EYA3: variants seen among roughly 807,000 people sequenced by gnomAD.
EYA3 encodes the protein protein phosphatase EYA3.
Under a neutral mutation model 80.0 loss-of-function variants are expected in EYA3, and 39 were observed. The ratio of observed to expected loss-of-function variants is 0.49; its 90% confidence interval spans 0.38 to 0.64. EYA3 has a LOEUF of 0.64. Ranked by LOEUF, EYA3 falls within the 30% of genes least tolerant of loss-of-function variation. EYA3 has a pLI of 0.00. For missense variants in EYA3, 523 were observed against 676.1 expected (o/e 0.77, Z 2.51); for synonymous variants, 206 against 232.8 (o/e 0.88, Z 1.05).
chr1:27,997,207 TG>T (rs3831309), intron 13 of EYA3, 112 bp downstream of exon 13: 208,008 of 952,404 alleles, frequency 0.22, 23,879 homozygotes, highest in Non-Finnish European at 0.24. Context: ...TCTAACAGGT[TG>T]TGAGCTCTTT....
intron 10 of EYA3, among the ~76,000 whole-genome samples, chr1:28,007,222 G>T (rs1641348640): frequency 6.6e-6 from 1 of 151,792 alleles, no homozygotes; most frequent in Non-Finnish European, 1.5e-5. Flanking sequence ...TTAGAGGCGT[G>T]AGCCACTGTC....
rs775955336 is a variant in EYA3 at position 28,027,911 on chromosome 1, C to A, written c.377G>T (p.Gly126Val). The A allele has an allele frequency of 6.2e-7, 1 of 1,614,086 alleles. No individual in the cohort carries two copies. The highest frequency in any genetic ancestry group is 1.1e-5 in the South Asian group (1 of 91,080). Reference protein sequence around the residue: ...GLPPFGALWPGMKPESGLIQT... With the variant: ...GLPPFGALWPVMKPESGLIQT... ...AATTAAACCACTTTCAGGTTTCATA[C>A]CTGGCCACAATGCACCTGAATCAGA... Residue 126 changes from glycine to valine, a missense_variant, in exon 7 of 18, where the codon GGT (glycine) becomes GTT (valine). By Grantham distance (109) the Gly-to-Val change is moderately radical (BLOSUM62 -3). Transcript: ENST00000373871.
chr1:27,979,387 A>G (rs1639157139), intron 16 of EYA3, among the ~76,000 whole-genome samples: 1 of 152,174 alleles, frequency 6.6e-6, no homozygotes, highest in African/African-American at 2.4e-5. Context: ...AACATTTGTC[A>G]TATCTGGAAC....
At chr1:28,063,149 C>T (rs932691917) in intron 1 of EYA3, among the ~76,000 whole-genome samples, 1 of 151,780 alleles carries the variant, frequency 6.6e-6, no homozygotes, top group Non-Finnish European at 1.5e-5. Flanking sequence ...AGAGAATTTG[C>T]ATGCAGCTAA....
At chr1:28,077,172 C>T (rs1157773660) in intron 1 of EYA3, among the ~76,000 whole-genome samples, 1 of 145,980 alleles carries the variant, frequency 6.9e-6, no homozygotes, top group Non-Finnish European at 1.5e-5. Context: ...GGCGCAATCT[C>T]GGCTCACTGC....
intron 10 of EYA3, among the ~76,000 whole-genome samples, chr1:28,005,806 A>G (rs188298142): frequency 5.3e-5 from 8 of 152,260 alleles, no homozygotes; most frequent in Non-Finnish European, 7.4e-5. Flanking sequence ...CAGCATATTA[A>G]AAGAATTAAA....
intron 7 of EYA3, among the ~76,000 whole-genome samples, chr1:28,018,200 AAAAAG>A (rs1258007525): frequency 6.6e-6 from 1 of 152,160 alleles, no homozygotes; most frequent in Admixed American, 6.5e-5. Context: ...TGTCTCAAAA[AAAAAG>A]AAAAGAAAAA....
intron 3 of EYA3, among the ~76,000 whole-genome samples, chr1:28,044,344 TCAA>T (rs1435046109): frequency 6.6e-6 from 1 of 152,178 alleles, no homozygotes; most frequent in African/African-American, 2.4e-5. Flanking sequence ...TCTACATCCG[TCAA>T]CGAGAATAAA....
chr1:28,084,555 A>AT (rs1280611632), intron 1 of EYA3, among the ~76,000 whole-genome samples: 63 of 53,760 alleles, frequency 1.2e-3, no homozygotes, highest in African/African-American at 2.6e-3. Context: ...GACTATTCCA[A>AT]AATATATATA....
At chr1:27,991,202 G>A (rs1037987881) in intron 14 of EYA3, among the ~76,000 whole-genome samples, 1 of 152,004 alleles carries the variant, frequency 6.6e-6, no homozygotes, top group African/African-American at 2.4e-5. Flanking sequence ...GTAAAGAAAC[G>A]AAACCCAATG....
chr1:28,072,663 G>GT (rs1279833109), intron 1 of EYA3, among the ~76,000 whole-genome samples: 2 of 152,164 alleles, frequency 1.3e-5, no homozygotes, highest in Non-Finnish European at 2.9e-5. Context: ...ATGGAAAACA[G>GT]TTTGGCAGTT....
At chr1:28,003,270 AAACAAC>A (rs139958121) in intron 11 of EYA3, among the ~76,000 whole-genome samples, 33,435 of 145,510 alleles carry the variant, frequency 0.23, 3,854 homozygotes, top group Non-Finnish European at 0.25. Flanking sequence ...ACTCCGTCTC[AAACAAC>A]AACAACAACA....
Position 28,038,655 on chromosome 1 carries a change from A to T in EYA3, c.224+184T>A, listed in dbSNP as rs544179130. Among the ~76,000 whole-genome samples the T allele has an allele frequency of 2.0e-5, 3 of 152,270 alleles. No individual in the cohort carries two copies. The South Asian group carries it at 6.2e-4, about 32-fold the overall frequency. On this transcript the variant is annotated intron_variant, in intron 5 of 17. Transcript: ENST00000373871. ...TGTAAAATGATCCATTGCAGACACC[A>T]TCTACTTTTTAAAAGGATACTACAT...
chr1:28,043,828 ACT>A (rs961357774), intron 3 of EYA3, among the ~76,000 whole-genome samples: 3 of 152,264 alleles, frequency 2.0e-5, no homozygotes, highest in East Asian at 1.9e-4. Context: ...ACACAGTGAG[ACT>A]CTGTCTCAAA....
At chr1:28,053,144 A>C (rs1405589756) in intron 2 of EYA3, among the ~76,000 whole-genome samples, 8 of 98,288 alleles carry the variant, frequency 8.1e-5, no homozygotes, top group Admixed American at 3.8e-4. Context: ...ACAAAATGAG[A>C]CCCCGTCTCA....
In EYA3 at chr1:28,042,632, A is replaced by G. The variant is rs1643849082; in HGVS notation, c.96T>C (p.Asp32=). The G allele has an allele frequency of 2.5e-6, 4 of 1,614,150 alleles. No homozygotes were observed. The highest frequency in any genetic ancestry group is 2.2e-5 in the East Asian group (1 of 44,886). ...EQTISQVSNP[D]VSDQKPETSS... is the part of the protein sequence containing the mutation. The stretch of plus-strand genomic sequence containing the variant: ...ATGTTTCAGGCTTCTGATCACTGAC[A>G]TCTGGATTGCTTACTTGACTGGGAG... Residue 32 remains aspartate, a synonymous_variant, in exon 4 of 18, where the codon GAT becomes GAC. Transcript: ENST00000373871.
intron 1 of EYA3, among the ~76,000 whole-genome samples, chr1:28,062,657 GGTGTGTGTGTGTGTGTGTGTGTGT>G (rs71027260): frequency 1.4e-5 from 2 of 141,528 alleles, no homozygotes; most frequent in African/African-American, 5.2e-5. Context: ...AATATATGTA[GGTGTGTGTGTGTGTGTGTGTGTGT>G]GTGTGTGTGT....
intron 16 of EYA3, among the ~76,000 whole-genome samples, chr1:27,986,038 AAT>A (rs1639633656): frequency 6.6e-6 from 1 of 152,148 alleles, no homozygotes; most frequent in South Asian, 2.1e-4. Flanking sequence ...AAGCTGGTAA[AAT>A]ATGCATAACA....
chr1:28,043,108 G>C (rs1481455696), intron 3 of EYA3, among the ~76,000 whole-genome samples: 1 of 152,138 alleles, frequency 6.6e-6, no homozygotes, highest in Non-Finnish European at 1.5e-5. Context: ...CTCCCAAAGT[G>C]CTGGGATTAC....
Sources: allele counts gnomAD v4.1 joint callset (sites outside exome capture counted in the v4.1 genomes callset), GRCh38; gene constraint gnomAD v4.1.1; transcripts MANE v1.5; gene names NCBI Gene and HGNC (gene_info 2026-07-23, HGNC 2026-07-21).